The following SRGAP2 variants were observed in gnomAD, a reference collection of about 807,000 sequenced individuals.
SRGAP2 encodes the protein SLIT-ROBO Rho GTPase activating protein 2.
A neutral mutation model predicts 57.2 loss-of-function variants in SRGAP2; 15 were observed. The observed-to-expected ratio is 0.26, with a 90% CI of 0.18 to 0.40. SRGAP2 has a LOEUF of 0.40. Ranked by LOEUF, SRGAP2 falls within the 10% of genes least tolerant of loss-of-function variation. The pLI is 1.00. For synonymous variants in SRGAP2, 249 were observed against 248.0 expected, an observed-to-expected ratio of 1.00 and a Z score of -0.04; for missense variants, 520 against 669.6, an observed-to-expected ratio of 0.78 and a Z score of 2.47.
intron 2 of SRGAP2, among the ~76,000 whole-genome samples, chr1:206,253,774 C>A (rs1194023470): frequency 0.027 from 3,407 of 126,098 alleles, no homozygotes; most frequent in African/African-American, 0.1. Flanking sequence ...TAGCAGAGAC[C>A]GGGTTTCACC....
Position 206,355,783 on chromosome 1 carries a change from A to G in SRGAP2, c.423+12775A>G, listed in dbSNP as rs561974191. Among the ~76,000 whole-genome samples the G allele has an allele frequency of 2.6e-5, 4 of 152,278 alleles. No homozygotes were observed. The South Asian group carries it at 6.2e-4, about 24-fold the overall frequency. On this transcript the variant is annotated intron_variant, in intron 4 of 22. Coordinates refer to ENST00000573034, the MANE Select transcript of SRGAP2 (RefSeq NM_015326.5). ...GGAGTTTGAGACCAGCCTGACCAAC[A>G]TGCTGAAACCCTGTCTCTACTAAAA...
At chr1:206,322,469 A>T (rs1553327989) in intron 3 of SRGAP2, among the ~76,000 whole-genome samples, 1 of 151,642 alleles carries the variant, frequency 6.6e-6, no homozygotes, top group Non-Finnish European at 1.5e-5. Context: ...GGTCCCAGCT[A>T]CTGGGGAGGC....
chr1:206,296,505 C>T (rs1256635735), intron 2 of SRGAP2, among the ~76,000 whole-genome samples: 3 of 151,802 alleles, frequency 2.0e-5, no homozygotes, highest in African/African-American at 4.8e-5. Context: ...TCACGGCTCA[C>T]TGTGGCCTTG....
chr1:206,278,945 G>A (rs1670571837), intron 2 of SRGAP2, among the ~76,000 whole-genome samples: 1 of 150,278 alleles, frequency 6.7e-6, no homozygotes, highest in South Asian at 2.1e-4. Flanking sequence ...AGGAGAGGGT[G>A]AGAGGTTTTT....
In SRGAP2 at chr1:206,461,954, T is replaced by G. The variant is rs7549189; in HGVS notation, c.*534T>G. 36,113 of 152,864 alleles carry G rather than the reference T, an allele frequency of 0.24. 4,537 individuals are homozygous for G. The highest frequency in any genetic ancestry group is 0.28 in the South Asian group (1,341 of 4,876). The allele number at this position is 152,864 out of a possible 1,614,324, so 9.5% of individuals were successfully genotyped here. The stretch of plus-strand genomic sequence containing the variant: ...ATATGTTTTTCTAGTCTCTGGCATG[T>G]GTAGCCTCTCCTGGTCATAGACCAG... On this transcript the variant is annotated 3_prime_UTR_variant, in exon 23 of 23. Coordinates refer to ENST00000573034, the MANE Select transcript of SRGAP2 (RefSeq NM_015326.5).
chr1:206,384,328 T>C (rs561576146), intron 5 of SRGAP2, among the ~76,000 whole-genome samples: 3 of 151,942 alleles, frequency 2.0e-5, no homozygotes, highest in African/African-American at 7.3e-5. Flanking sequence ...TGGGGCATAA[T>C]TACTAGAGAC....
At position 206,454,946 on chromosome 1, in the gene SRGAP2, A is replaced by G. The variant is rs367891634; in HGVS notation, c.2429A>G (p.Glu810Gly). 1.2e-5 allele frequency: 9 copies of G among 780,654 alleles called. No individual in the cohort carries two copies. The highest frequency in any genetic ancestry group is 1.9e-5 in the Non-Finnish European group (8 of 417,922). 48.4% of individuals were successfully genotyped at this position (780,654 alleles called of 1,614,324 possible). A position where few individuals can be genotyped will look rare whatever the true frequency, so the allele number is the denominator to read the frequency against. The change falls in exon 21 of 23, where the codon GAA (glutamate) becomes GGA (glycine). Residue 810 changes from glutamate to glycine, a missense_variant. Around this residue, in one of 5 missense-constraint regions of SRGAP2, gnomAD observed 478 missense variants for 373.6 expected, o/e 1.28. Coordinates refer to ENST00000573034, the MANE Select transcript of SRGAP2 (RefSeq NM_015326.5). This position sits in a 1 kb window ranked among gnomAD's most constrained non-coding sequence, Gnocchi z 4.3. ...EIEVISEPPE[E>G]KVTARAGASC... is the part of the protein sequence containing the mutation. ...GAGGTCATTTCTGAGCCACCTGAAG[A>G]AAAGGTGACAGCCAGAGCGGGGGCC...
chr1:206,415,491 C>T (rs1401353496), intron 10 of SRGAP2, among the ~76,000 whole-genome samples: 1 of 152,208 alleles, frequency 6.6e-6, no homozygotes, highest in African/African-American at 2.4e-5. Flanking sequence ...ATGTCCCCCC[C>T]TCCTCCCACC....
At chr1:206,286,012 G>A (rs1671004307) in intron 2 of SRGAP2, among the ~76,000 whole-genome samples, 1 of 152,028 alleles carries the variant, frequency 6.6e-6, no homozygotes, top group African/African-American at 2.4e-5. Flanking sequence ...CTGGATTCTG[G>A]CATCTGGATT....
Position 206,440,053 on chromosome 1 carries a change from A to G in SRGAP2, c.1846A>G (p.Met616Val). Residue 616 changes from methionine to valine, a missense_variant, in exon 17 of 23, where the codon ATG becomes GTG. By Grantham distance (21) the Met-to-Val change is conservative. Around this residue, in one of 5 missense-constraint regions of SRGAP2, gnomAD observed 478 missense variants for 373.6 expected, o/e 1.28. Transcript: ENST00000573034. ...CCTGCCCAAAACCACTCTGATTATC[A>G]TGAGATACCTCTTTGCCTTCCTCAA... ...LVLPKTTLIIMRYLFAFLNHL... is the reference protein window; with the variant it reads ...LVLPKTTLIIVRYLFAFLNHL... 1.3e-6 allele frequency: 1 copy of G among 780,910 alleles called. No individual in the cohort carries two copies. The highest frequency in any genetic ancestry group is 2.4e-6 in the Non-Finnish European group (1 of 417,986). The allele number at this position is 780,910 out of a possible 1,614,324, so 48.4% of individuals were successfully genotyped here.
At chr1:206,409,512 C>T (rs368553387) in intron 10 of SRGAP2, among the ~76,000 whole-genome samples, 3 of 152,084 alleles carry the variant, frequency 2.0e-5, no homozygotes, top group East Asian at 1.9e-4. Flanking sequence ...CCAGATATGG[C>T]GGCTCATGCC....
intron 2 of SRGAP2, among the ~76,000 whole-genome samples, chr1:206,227,321 C>T (rs1410533141): frequency 5.9e-5 from 9 of 152,248 alleles, no homozygotes; most frequent in African/African-American, 7.2e-5. Context: ...CATTTTTATT[C>T]GGTTAGAGAG....
At chr1:206,428,399 C>A (rs183646273) in intron 13 of SRGAP2, among the ~76,000 whole-genome samples, 2 of 136,980 alleles carry the variant, frequency 1.5e-5, no homozygotes, top group African/African-American at 5.6e-5. Flanking sequence ...CTGGCCTGGG[C>A]GACTGATTGA....
chr1:206,204,358 TCGCTTCC>T lies in SRGAP2; in HGVS notation c.-543+720_-543+726del, dbSNP rs1389531556. The T allele has an allele frequency of 4.3e-3, 1,457 of 335,508 alleles. 41 individuals are homozygous for T. In the Admixed American group the frequency reaches 0.057, roughly 13 times the overall value. The allele number at this position is 335,508 out of a possible 1,614,324, so 20.8% of individuals were successfully genotyped here. A position where few individuals can be genotyped will look rare whatever the true frequency, so the allele number is the denominator to read the frequency against. Reference sequence around the variant, plus strand: ...CAGGACCCCATCTCACACCCGCCTCTCGCTTCCCGCTTCCCGCTCGCCTGAACCCCGC... The same window carrying T: ...CAGGACCCCATCTCACACCCGCCTCTCGCTTCCCGCTCGCCTGAACCCCGC... On this transcript the variant is annotated intron_variant, in intron 1 of 22. Coordinates refer to ENST00000573034, the MANE Select transcript of SRGAP2 (RefSeq NM_015326.5).
At chr1:206,239,897 A>C (rs75794939) in intron 2 of SRGAP2, among the ~76,000 whole-genome samples, 77,765 of 145,486 alleles carry the variant, frequency 0.53, 21,656 homozygotes, top group East Asian at 0.72. Context: ...GAGGCAGTAA[A>C]TTTATTAGCA....
chr1:206,404,333 T>C (rs1223976738), intron 8 of SRGAP2, among the ~76,000 whole-genome samples: 3 of 151,918 alleles, frequency 2.0e-5, no homozygotes, highest in Non-Finnish European at 2.9e-5. Context: ...AAGGGAATGG[T>C]CCGTGGGCAT....
chr1:206,449,256 C>G (rs1663034990), intron 18 of SRGAP2, among the ~76,000 whole-genome samples: 1 of 148,866 alleles, frequency 6.7e-6, no homozygotes, highest in African/African-American at 2.5e-5. Context: ...AGTAACCTCT[C>G]TATCATTTCT....
intron 12 of SRGAP2, among the ~76,000 whole-genome samples, chr1:206,419,807 AT>A (rs11404999): frequency 0.026 from 3,760 of 142,390 alleles, 71 homozygotes; most frequent in African/African-American, 0.058. Flanking sequence ...ATGGCATTTG[AT>A]TTTTTTTTTT....
intron 4 of SRGAP2, among the ~76,000 whole-genome samples, chr1:206,381,456 T>G (rs1287638207): frequency 2.4e-5 from 2 of 83,152 alleles, no homozygotes; most frequent in African/African-American, 1.0e-4. Context: ...GTTGCCTCAC[T>G]TCACCTCCTT....
Sources: allele counts gnomAD v4.1 joint callset (sites outside exome capture counted in the v4.1 genomes callset), GRCh38; gene constraint gnomAD v4.1.1; regional missense constraint gnomAD v4.1.1; non-coding constraint Gnocchi (gnomAD v3.1); transcripts MANE v1.5; gene names NCBI Gene and HGNC (gene_info 2026-07-23, HGNC 2026-07-21).